The following NCKAP5 variants were observed in gnomAD, a reference collection of about 807,000 sequenced individuals.
NCKAP5 encodes nck-associated protein 5.
A neutral mutation model predicts 167.0 loss-of-function variants in NCKAP5; 92 were observed. The observed-to-expected ratio is 0.55, with a 90% confidence interval of 0.47 to 0.66. The LOEUF is 0.66. Ranked by LOEUF, NCKAP5 falls within the 30% of genes least tolerant of loss-of-function variation. NCKAP5 has a pLI of 0.00. For synonymous variants in NCKAP5, 891 were observed against 877.4 expected (o/e 1.02, Z -0.27); for missense variants, 2,378 against 2,315.0 (o/e 1.03, Z -0.56).
chr2:132,836,110 C>A (rs1687870353), intron 11 of NCKAP5, among the ~76,000 whole-genome samples: 1 of 152,148 alleles, frequency 6.6e-6, no homozygotes, highest in African/African-American at 2.4e-5. Context: ...GTACTCTTAA[C>A]CATTTTTACA....
chr2:133,225,688 A>C (rs1057349938), intron 4 of NCKAP5, among the ~76,000 whole-genome samples: 4 of 150,552 alleles, frequency 2.7e-5, no homozygotes, highest in African/African-American at 9.8e-5. Flanking sequence ...ATCATGGCTC[A>C]CTGCAGCCTC....
chr2:133,302,717 C>G (rs2150568789), intron 4 of NCKAP5, among the ~76,000 whole-genome samples: 1 of 145,350 alleles, frequency 6.9e-6, no homozygotes, highest in Non-Finnish European at 1.5e-5. Flanking sequence ...ACCAGCATGG[C>G]ACATGTATAC....
At chr2:132,924,757 G>C (rs963363364) in intron 8 of NCKAP5, among the ~76,000 whole-genome samples, 1 of 152,094 alleles carries the variant, frequency 6.6e-6, no homozygotes, top group Non-Finnish European at 1.5e-5. Flanking sequence ...GTTAACCAGA[G>C]TAAGTTGAGA....
intron 2 of NCKAP5, among the ~76,000 whole-genome samples, chr2:133,548,825 G>A (rs1025369058): frequency 1.3e-5 from 2 of 151,500 alleles, no homozygotes; most frequent in African/African-American, 2.4e-5. Flanking sequence ...ATCAACTAAC[G>A]AGCAAAATCA....
At chr2:133,652,424 C>T in the NCKAP5 span, among the ~76,000 whole-genome samples, 26 of 152,310 alleles carry the variant, frequency 1.7e-4, 1 homozygote, top group East Asian at 4.8e-3. Flanking sequence ...TGCAGGAAGA[C>T]TTACAAATAA....
At chr2:133,022,664 C>T (rs1254903708) in intron 6 of NCKAP5, among the ~76,000 whole-genome samples, 1 of 152,202 alleles carries the variant, frequency 6.6e-6, no homozygotes, top group Non-Finnish European at 1.5e-5. Flanking sequence ...TGTAAGCTGC[C>T]TAAATGCCCC....
the NCKAP5 span, among the ~76,000 whole-genome samples, chr2:133,598,228 C>G: frequency 5.3e-5 from 8 of 152,316 alleles, no homozygotes; most frequent in South Asian, 1.7e-3. Flanking sequence ...TGAGCAATGC[C>G]TGGCACACTG....
intron 3 of NCKAP5, among the ~76,000 whole-genome samples, chr2:133,328,376 T>C: frequency 6.6e-6 from 1 of 152,360 alleles, no homozygotes; most frequent in South Asian, 2.1e-4. Flanking sequence ...TTATCTATTT[T>C]GTTTTAAACA....
chr2:133,242,806 T>C (rs535105859), intron 4 of NCKAP5, among the ~76,000 whole-genome samples: 181 of 152,328 alleles, frequency 1.2e-3, no homozygotes, highest in Non-Finnish European at 2.2e-3. Context: ...CTATTTCTCC[T>C]CCTCTCATAT....
chr2:132,895,092 G>A (rs962059055), intron 8 of NCKAP5, among the ~76,000 whole-genome samples: 9 of 152,012 alleles, frequency 5.9e-5, no homozygotes, highest in Admixed American at 4.6e-4. Flanking sequence ...AGCACTTTGG[G>A]AGGCCAAGGC....
intron 3 of NCKAP5, among the ~76,000 whole-genome samples, chr2:133,352,294 G>A (rs1050909146): frequency 1.3e-5 from 2 of 152,194 alleles, no homozygotes; most frequent in Non-Finnish European, 2.9e-5. Context: ...ATGAGGGCAG[G>A]GATTTTTGTC....
intron 3 of NCKAP5, among the ~76,000 whole-genome samples, chr2:133,339,917 T>C (rs899484364): frequency 6.6e-6 from 1 of 152,190 alleles, no homozygotes; most frequent in Non-Finnish European, 1.5e-5. Context: ...TAGAAACCTT[T>C]GTGCGGTCTT....
At chr2:133,660,922 C>T in the NCKAP5 span, among the ~76,000 whole-genome samples, 1 of 150,544 alleles carries the variant, frequency 6.6e-6, no homozygotes, top group South Asian at 2.1e-4. Flanking sequence ...TGATTTGTAT[C>T]ACCCAGTCGC....
At chr2:133,091,812 G>C (rs919010438) in intron 6 of NCKAP5, among the ~76,000 whole-genome samples, 1 of 151,896 alleles carries the variant, frequency 6.6e-6, no homozygotes, top group Non-Finnish European at 1.5e-5. Context: ...GTGTGAACCT[G>C]GGAGGCGGAG....
At chr2:133,647,359 GGAAGGAAGGAA>G in the NCKAP5 span, among the ~76,000 whole-genome samples, 612 of 105,432 alleles carry the variant, frequency 5.8e-3, 7 homozygotes, top group African/African-American at 0.02. Context: ...AGGAAAGAAA[GGAAGGAAGGAA>G]GAAAGAAAGG....
rs989893227 is a variant in NCKAP5, at chr2:132,805,179, T to C, written c.808-8450A>G. Among the ~76,000 whole-genome samples the C allele has an allele frequency of 2.6e-5, 4 of 152,078 alleles. No individual in the cohort carries two copies. The South Asian group carries it at 6.2e-4, about 24-fold the overall frequency. On this transcript the variant is annotated intron_variant, in intron 11 of 19. Coordinates refer to ENST00000409261, the MANE Select transcript of NCKAP5 (RefSeq NM_207363.3). Reference sequence around the variant, plus strand: ...TTTAGCACTAAGTGTGTGTTTCACATATGTTATCCTTTTAAATCCTCATTA... The same window carrying C: ...TTTAGCACTAAGTGTGTGTTTCACACATGTTATCCTTTTAAATCCTCATTA...
intron 8 of NCKAP5, among the ~76,000 whole-genome samples, chr2:132,934,977 G>C (rs1696728627): frequency 6.6e-6 from 1 of 152,184 alleles, no homozygotes; most frequent in Admixed American, 6.5e-5. Context: ...TATCCCCTTT[G>C]TCAAAGTGAT....
intron 1 of NCKAP5, among the ~76,000 whole-genome samples, chr2:133,560,921 C>T (rs1425988589): frequency 2.0e-5 from 3 of 152,184 alleles, no homozygotes; most frequent in Non-Finnish European, 4.4e-5. Flanking sequence ...ACTGGGTTCC[C>T]CAAAGGCTCA....
Position 133,566,907 on chromosome 2 carries a change from G to A in NCKAP5, c.-130+1309C>T, listed in dbSNP as rs187371626. On this transcript the variant is annotated intron_variant, in intron 1 of 19. Transcript: ENST00000409261. ...TGTTCTGATGGAAAAAAATGGAGCT[G>A]ACAAAGAGGCAGGATGTTACCCACC... is the stretch of plus-strand genomic sequence containing the variant. Among the ~76,000 whole-genome samples, 576 of 152,346 alleles carry A rather than the reference G, an allele frequency of 3.8e-3. 6 individuals carry two copies. The highest frequency in any genetic ancestry group is 0.013 in the African/African-American group (548 of 41,586).
Sources: allele counts gnomAD v4.1 joint callset (sites outside exome capture counted in the v4.1 genomes callset), GRCh38; gene constraint gnomAD v4.1.1; transcripts MANE v1.5; gene names NCBI Gene and HGNC (gene_info 2026-07-23, HGNC 2026-07-21).